BBX: variants seen among roughly 807,000 people sequenced by gnomAD.
The protein encoded by BBX is HMG box transcription factor BBX.
Under a neutral mutation model 100.2 loss-of-function variants are expected in BBX, and 30 were observed. That is an observed-to-expected ratio of 0.30 (90% CI 0.22 to 0.41). The LOEUF is 0.41. BBX is among the 10% of genes least tolerant of loss of function. The probability of loss-of-function intolerance (pLI) is 1.00; values close to 1 mark genes in which losing one functional copy is unlikely to be tolerated. For missense variants in BBX, 1,023 were observed against 1,129.8 expected (o/e 0.91, Z 1.35); for synonymous variants, 376 against 388.1 (o/e 0.97, Z 0.37).
chr3:107,613,023 A>G (rs897689457), intron 2 of BBX, among the ~76,000 whole-genome samples: 13 of 152,106 alleles, frequency 8.5e-5, no homozygotes, highest in South Asian at 8.3e-4. Flanking sequence ...AGTGTCCACA[A>G]CCACCACCAC....
At chr3:107,628,485 A>C (rs1338376859) in intron 2 of BBX, among the ~76,000 whole-genome samples, 4 of 152,104 alleles carry the variant, frequency 2.6e-5, no homozygotes, top group Non-Finnish European at 5.9e-5. Context: ...TAAAGAAAGA[A>C]GTTGAAATAG....
intron 3 of BBX, among the ~76,000 whole-genome samples, chr3:107,647,614 A>C (rs1005999194): frequency 6.6e-5 from 10 of 152,208 alleles, no homozygotes; most frequent in African/African-American, 2.4e-4. Context: ...CCATACAAAA[A>C]CCAGGAGTAA....
At chr3:107,712,427 C>G (rs1393709039) in intron 4 of BBX, among the ~76,000 whole-genome samples, 1 of 152,184 alleles carries the variant, frequency 6.6e-6, no homozygotes, top group Non-Finnish European at 1.5e-5. Context: ...CCAACCTTCT[C>G]CTGCATCTTC....
chr3:107,753,576 G>C (rs1007001151), intron 9 of BBX, among the ~76,000 whole-genome samples: 1 of 152,160 alleles, frequency 6.6e-6, no homozygotes. Context: ...AACTCTAAAG[G>C]CAGGTAGTGC....
At chr3:107,571,450 C>T (rs972256519) in intron 2 of BBX, among the ~76,000 whole-genome samples, 3 of 152,096 alleles carry the variant, frequency 2.0e-5, no homozygotes, top group Non-Finnish European at 4.4e-5. Context: ...GTGTCTCTGT[C>T]TCTACTAGAG....
rs184516773 is a variant in BBX, at chr3:107,585,575, A to G, written c.-84+59177A>G. On this transcript the variant is annotated intron_variant, in intron 2 of 17. Transcript: ENST00000325805. ...AGAAGCTCCCCTCCCCGCTGCCATT[A>G]TGGGGCTCTTACCTAACTCAATATA... Among the ~76,000 whole-genome samples, 1,467 of 152,240 alleles carry G rather than the reference A, an allele frequency of 9.6e-3. 8 individuals carry two copies. Among genetic ancestry groups the G allele is most frequent in the Non-Finnish European group, 0.016 (1,109 of 67,996 alleles).
At chr3:107,767,709 G>A (rs1029041202) in intron 10 of BBX, among the ~76,000 whole-genome samples, 4 of 152,132 alleles carry the variant, frequency 2.6e-5, no homozygotes, top group African/African-American at 9.7e-5. Context: ...AAGAAAACAG[G>A]GAATTATCAA....
intron 10 of BBX, among the ~76,000 whole-genome samples, 197 bp from the exon 11 acceptor site, chr3:107,772,431 A>G (rs1253395230): frequency 6.6e-6 from 1 of 152,250 alleles, no homozygotes. Context: ...GACGAGTTAA[A>G]TGACTGTATA....
chr3:107,805,817 C>A lies in BBX; in HGVS notation c.*360C>A. The stretch of plus-strand genomic sequence containing the variant: ...CAACCAGAGAGTGTGAAACTAGTTT[C>A]ATATATTACCTAGTTATTCTTTCAA... On this transcript the variant is annotated 3_prime_UTR_variant, in exon 18 of 18. Transcript: ENST00000325805. 3.1e-5 allele frequency: 8 copies of A among 261,038 alleles called. No individual in the cohort carries two copies. Among genetic ancestry groups the A allele is most frequent in the Non-Finnish European group, 4.3e-5 (6 of 139,006 alleles). The allele number at this position is 261,038 out of a possible 1,614,324, so 16.2% of individuals were successfully genotyped here.
At chr3:107,635,775 C>T (rs989760577) in intron 2 of BBX, among the ~76,000 whole-genome samples, 4 of 150,908 alleles carry the variant, frequency 2.7e-5, no homozygotes, top group Admixed American at 6.6e-5. Flanking sequence ...TGCAGTGGCA[C>T]CATCTCGGCT....
intron 3 of BBX, among the ~76,000 whole-genome samples, chr3:107,675,321 A>G (rs2059227222): frequency 6.6e-6 from 1 of 152,128 alleles, no homozygotes; most frequent in South Asian, 2.1e-4. Flanking sequence ...TTTGGCCATC[A>G]TGTTTTGAGC....
At chr3:107,754,426 G>T (rs2065317040) in intron 9 of BBX, among the ~76,000 whole-genome samples, 1 of 152,184 alleles carries the variant, frequency 6.6e-6, no homozygotes, top group Admixed American at 6.5e-5. Flanking sequence ...TGATAGAGAT[G>T]AATAGAAAAG....
intron 2 of BBX, among the ~76,000 whole-genome samples, chr3:107,581,361 T>G (rs190326693): frequency 6.2e-4 from 94 of 152,084 alleles, no homozygotes; most frequent in African/African-American, 2.3e-3. Flanking sequence ...CTCCTTTGAA[T>G]CTCTTTTGGT....
At position 107,773,359 on chromosome 3, in the gene BBX, C is replaced by T. The variant is rs1173317045; in HGVS notation, c.1638C>T (p.Thr546=). The T allele has an allele frequency of 6.2e-7, 1 of 1,613,940 alleles. No homozygotes were observed. Among genetic ancestry groups the T allele is most frequent in the South Asian group, 1.1e-5 (1 of 91,080 alleles). ...TGTCAAAGGAGAAATCCTCAGACAC[C>T]ACCAAAGAGTCAAGACCTCCAGATT... ...KKMSKEKSSD[T]TKESRPPDFI... The change falls in exon 11 of 18, where the codon ACC becomes ACT. Residue 546 remains threonine (T), a synonymous_variant. Transcript: ENST00000325805. This position sits in a 1 kb window ranked among gnomAD's most constrained non-coding sequence, Gnocchi z 4.1.
rs1206409417 is a variant in BBX, at chr3:107,769,214, A to G, written c.907-3414A>G. On this transcript the variant is annotated intron_variant, in intron 10 of 17. Coordinates refer to ENST00000325805, the MANE Select transcript of BBX (RefSeq NM_001142568.3). ...GATAGATAGATAGATAGATAGATAG[A>G]TAGATAGATAGATAGACAGATAGAT... is the stretch of plus-strand genomic sequence containing the variant. 1.1e-4 allele frequency among the ~76,000 whole-genome samples: 16 copies of G among 142,592 alleles called. No homozygotes were observed. In the East Asian group the frequency reaches 2.9e-3, roughly 26 times the overall value. The allele number at this position is 142,592 out of a possible 152,430, so 93.5% of individuals were successfully genotyped here. A position where few individuals can be genotyped will look rare whatever the true frequency, so the allele number is the denominator to read the frequency against.
At chr3:107,670,179 C>A (rs1366209948) in intron 3 of BBX, among the ~76,000 whole-genome samples, 1 of 151,964 alleles carries the variant, frequency 6.6e-6, no homozygotes, top group Non-Finnish European at 1.5e-5. Flanking sequence ...CAAAATAGAT[C>A]ACTAATACAT....
At chr3:107,525,893 T>C (rs1011902196) in intron 1 of BBX, among the ~76,000 whole-genome samples, 1 of 152,158 alleles carries the variant, frequency 6.6e-6, no homozygotes, top group African/African-American at 2.4e-5. Context: ...CGGTGGCACC[T>C]CCCGCCGTCT....
chr3:107,795,285 A>G (rs772378107), intron 15 of BBX, among the ~76,000 whole-genome samples: 41 of 152,204 alleles, frequency 2.7e-4, no homozygotes, highest in Non-Finnish European at 5.3e-4. Flanking sequence ...TGTTCCAGAA[A>G]ATTACTTCTC....
At chr3:107,603,097 G>T (rs1430281306) in intron 2 of BBX, among the ~76,000 whole-genome samples, 3 of 152,086 alleles carry the variant, frequency 2.0e-5, no homozygotes, top group Non-Finnish European at 4.4e-5. Context: ...CCAAGTAGCT[G>T]GGACTATAGG....
Sources: allele counts gnomAD v4.1 joint callset (sites outside exome capture counted in the v4.1 genomes callset), GRCh38; gene constraint gnomAD v4.1.1; non-coding constraint Gnocchi (gnomAD v3.1); transcripts MANE v1.5; gene names NCBI Gene and HGNC (gene_info 2026-07-23, HGNC 2026-07-21).